The following ADARB2 variants were observed in gnomAD, a reference collection of about 807,000 sequenced individuals.
ADARB2 encodes the protein adenosine deaminase RNA specific B2 (inactive).
A neutral mutation model predicts 62.2 loss-of-function variants in ADARB2; 25 were observed. That is an observed-to-expected ratio of 0.40 (90% confidence interval 0.29 to 0.56). The LOEUF (loss-of-function observed/expected upper bound fraction) is 0.56. Ranked by LOEUF, ADARB2 falls within the 20% of genes least tolerant of loss-of-function variation. ADARB2 has a pLI of 0.43. For missense variants in ADARB2, 1,071 were observed against 1,077.4 expected (o/e 0.99, Z 0.08); for synonymous variants, 572 against 500.8 (o/e 1.14, Z -1.90).
intron 1 of ADARB2, among the ~76,000 whole-genome samples, chr10:1,714,849 G>T (rs1031210532): frequency 6.6e-6 from 1 of 152,194 alleles, no homozygotes; most frequent in Non-Finnish European, 1.5e-5. Context: ...TTAACAAGGG[G>T]CTATTTTTTA....
At position 1,340,843 on chromosome 10, in the gene ADARB2, A is replaced by G. The variant is rs1284385006; in HGVS notation, c.1077+22185T>C. 1.3e-3 allele frequency among the ~76,000 whole-genome samples: 103 copies of G among 78,868 alleles called. 1 individual carries two copies. Among genetic ancestry groups the G allele is most frequent in the African/African-American group, 3.5e-3 (67 of 19,072 alleles). 51.7% of individuals were successfully genotyped at this position (78,868 alleles called of 152,430 possible). ...ACCAGCATCCACCAGAGAACCACAC[A>G]CCCCACAGTGGCAATAACCAGCATC... On this transcript the variant is annotated intron_variant, in intron 3 of 9. Coordinates refer to ENST00000381312, the MANE Select transcript of ADARB2 (RefSeq NM_018702.4).
At chr10:1,664,519 C>A (rs905388340) in intron 1 of ADARB2, among the ~76,000 whole-genome samples, 1 of 152,200 alleles carries the variant, frequency 6.6e-6, no homozygotes. Context: ...AGAGGCTTCA[C>A]GGTCCAGAGA....
At chr10:1,456,817 CAG>C (rs1056691336) in intron 1 of ADARB2, among the ~76,000 whole-genome samples, 3 of 152,138 alleles carry the variant, frequency 2.0e-5, no homozygotes, top group African/African-American at 7.2e-5. Flanking sequence ...TCTTTTGAGA[CAG>C]AGTCTCGCAC....
chr10:1,210,875 G>A (rs367594345), intron 7 of ADARB2, among the ~76,000 whole-genome samples: 4 of 152,128 alleles, frequency 2.6e-5, no homozygotes, highest in Non-Finnish European at 5.9e-5. Context: ...ACGTCTCCTC[G>A]GGACGAGTCT....
At chr10:1,257,009 A>C (rs1371683922) in intron 4 of ADARB2, among the ~76,000 whole-genome samples, 1 of 152,218 alleles carries the variant, frequency 6.6e-6, no homozygotes. Flanking sequence ...TAAATATTGT[A>C]AGTGACAGTG....
intron 3 of ADARB2, among the ~76,000 whole-genome samples, chr10:1,321,066 A>T (rs1054099653): frequency 1.3e-5 from 2 of 152,218 alleles, no homozygotes; most frequent in Non-Finnish European, 2.9e-5. Flanking sequence ...TCTGACTTCC[A>T]TCTGTCATAC....
intron 4 of ADARB2, among the ~76,000 whole-genome samples, chr10:1,251,240 T>A (rs371379682): frequency 1.3e-5 from 2 of 152,178 alleles, no homozygotes; most frequent in African/African-American, 4.8e-5. Context: ...GGAATATTAC[T>A]CAGCACTAAA....
intron 1 of ADARB2, among the ~76,000 whole-genome samples, chr10:1,532,939 T>C (rs1036587200): frequency 6.6e-6 from 1 of 152,034 alleles, no homozygotes; most frequent in South Asian, 2.1e-4. Flanking sequence ...CATCCAGCGG[T>C]GTCTGTAATG....
At chr10:1,558,371 G>A (rs1174636164) in intron 1 of ADARB2, among the ~76,000 whole-genome samples, 16 of 112,678 alleles carry the variant, frequency 1.4e-4, no homozygotes, top group African/African-American at 4.1e-4. Context: ...CTCAGCCCCC[G>A]CATGCTCCAT....
intron 3 of ADARB2, among the ~76,000 whole-genome samples, chr10:1,275,506 CCTTCTTTT>C (rs1831306948): frequency 6.9e-6 from 1 of 144,284 alleles, no homozygotes; most frequent in African/African-American, 2.4e-5. Flanking sequence ...TTCTTTCTTT[CCTTCTTTT>C]CTTTTTTTTT....
chr10:1,352,093 C>T (rs565705952), intron 3 of ADARB2, among the ~76,000 whole-genome samples: 1,951 of 152,046 alleles, frequency 0.013, 45 homozygotes, highest in African/African-American at 0.044. Context: ...GCTGTACTGC[C>T]GCAAAGCTTC....
At chr10:1,285,933 A>G (rs1464512161) in intron 3 of ADARB2, among the ~76,000 whole-genome samples, 2 of 152,226 alleles carry the variant, frequency 1.3e-5, no homozygotes, top group African/African-American at 2.4e-5. Context: ...TTCCTGTTGA[A>G]ATCCTGTCTT....
At chr10:1,705,862 T>C (rs1440882365) in intron 1 of ADARB2, among the ~76,000 whole-genome samples, 2 of 152,184 alleles carry the variant, frequency 1.3e-5, no homozygotes, top group Non-Finnish European at 2.9e-5. Context: ...AATTTTGCTT[T>C]GATTGATTTT....
intron 3 of ADARB2, among the ~76,000 whole-genome samples, chr10:1,344,326 G>A (rs527728118): frequency 2.1e-4 from 32 of 152,348 alleles, no homozygotes; most frequent in Middle Eastern, 3.4e-3. Context: ...CTGCGTGGCC[G>A]TCGCGGCAAT....
chr10:1,469,716 C>A (rs1831297754), intron 1 of ADARB2, among the ~76,000 whole-genome samples: 2 of 152,160 alleles, frequency 1.3e-5, no homozygotes, highest in South Asian at 4.1e-4. Context: ...GCCAGTAACA[C>A]CTGGAGCTGT....
At chr10:1,413,321 G>A (rs1361045865) in intron 1 of ADARB2, among the ~76,000 whole-genome samples, 1 of 152,206 alleles carries the variant, frequency 6.6e-6, no homozygotes, top group African/African-American at 2.4e-5. Context: ...CACTGGGGAA[G>A]GGGGTGCTCT....
chr10:1,581,020 T>A (rs1379724023), intron 1 of ADARB2, among the ~76,000 whole-genome samples: 1 of 152,246 alleles, frequency 6.6e-6, no homozygotes, highest in African/African-American at 2.4e-5. Context: ...ATAAAGCCGC[T>A]ATAAGCATCT....
intron 1 of ADARB2, among the ~76,000 whole-genome samples, chr10:1,463,575 C>T (rs566097754): frequency 4.6e-5 from 7 of 152,268 alleles, no homozygotes; most frequent in Non-Finnish European, 7.4e-5. Flanking sequence ...CTAGTGTGTA[C>T]AACAAACAAA....
At chr10:1,529,075 C>G (rs2813453) in intron 1 of ADARB2, among the ~76,000 whole-genome samples, 36,270 of 68,612 alleles carry the variant, frequency 0.53, 9,769 homozygotes, top group Non-Finnish European at 0.59. Flanking sequence ...ATCAGTCCAC[C>G]CACCATGCCC....
Sources: gnomAD v4.1 joint callset for allele counts (sites outside exome capture counted in the v4.1 genomes callset) on GRCh38, gnomAD v4.1.1 for gene constraint, MANE v1.5 for transcripts, NCBI Gene and HGNC (gene_info 2026-07-23, HGNC 2026-07-21) for gene names.